The following SGMS1 variants were observed in gnomAD, a reference collection of about 807,000 sequenced individuals.
SGMS1 encodes the protein phosphatidylcholine:ceramide cholinephosphotransferase 1.
SGMS1 carries 13 observed loss-of-function variants against 46.2 expected under a neutral mutation model. The ratio of observed to expected loss-of-function variants is 0.28; its 90% CI spans 0.18 to 0.45. The LOEUF is 0.45. Ranked by LOEUF, SGMS1 falls within the 20% of genes least tolerant of loss-of-function variation. SGMS1 has a pLI of 1.00. For synonymous variants in SGMS1, 203 were observed against 187.8 expected, an observed-to-expected ratio of 1.08 and a Z score of -0.66; for missense variants, 324 against 519.9, an observed-to-expected ratio of 0.62 and a Z score of 3.66.
At chr10:50,615,776 T>C (rs1184496897) in intron 1 of SGMS1, among the ~76,000 whole-genome samples, 3 of 152,168 alleles carry the variant, frequency 2.0e-5, no homozygotes, top group Non-Finnish European at 4.4e-5. Context: ...CCTAAACTAG[T>C]TCCACCCAAG....
chr10:50,414,371 C>G (rs1299628820), intron 6 of SGMS1, among the ~76,000 whole-genome samples: 1 of 152,196 alleles, frequency 6.6e-6, no homozygotes, highest in African/African-American at 2.4e-5. Context: ...GCCTGGGCAA[C>G]AGAGCAAGAC....
chr10:50,438,345 T>G (rs1048311199), intron 5 of SGMS1, among the ~76,000 whole-genome samples: 1 of 152,242 alleles, frequency 6.6e-6, no homozygotes, highest in South Asian at 2.1e-4. Context: ...GTTTTGAAAG[T>G]GCAGGCTGCC....
chr10:50,462,633 T>A (rs988306691), intron 4 of SGMS1, among the ~76,000 whole-genome samples: 1 of 152,232 alleles, frequency 6.6e-6, no homozygotes, highest in East Asian at 1.9e-4. Context: ...TTAAATATTA[T>A]TTTAAAGAGC....
upstream of SGMS1, chr10:50,625,031 C>T (rs1383812768): frequency 3.5e-5 from 35 of 1,003,860 alleles, no homozygotes; most frequent in Non-Finnish European, 3.8e-5. Context: ...GCCACGCCCT[C>T]CCATCGGGCT....
chr10:50,328,437 A>G (rs1320664576), intron 7 of SGMS1, among the ~76,000 whole-genome samples: 5 of 152,230 alleles, frequency 3.3e-5, no homozygotes, highest in Non-Finnish European at 5.9e-5. Context: ...AGTCTTATGC[A>G]GGATGGGCAT....
intron 6 of SGMS1, among the ~76,000 whole-genome samples, chr10:50,419,169 T>C (rs1271690301): frequency 6.6e-6 from 1 of 152,080 alleles, no homozygotes; most frequent in Non-Finnish European, 1.5e-5. Context: ...ATACATACCA[T>C]CTGAAGATAA....
intron 4 of SGMS1, among the ~76,000 whole-genome samples, chr10:50,462,752 A>G (rs992283384): frequency 6.6e-6 from 1 of 152,222 alleles, no homozygotes; most frequent in Non-Finnish European, 1.5e-5. Flanking sequence ...ATATAAATCC[A>G]TAAGGACAAA....
chr10:50,616,469 G>T (rs1285960961), intron 1 of SGMS1, among the ~76,000 whole-genome samples: 1 of 152,088 alleles, frequency 6.6e-6, no homozygotes, highest in Admixed American at 6.6e-5. Context: ...ATTAGGGGAG[G>T]TATTCCACCA....
intron 6 of SGMS1, among the ~76,000 whole-genome samples, chr10:50,379,175 T>A (rs1848564616): frequency 6.6e-6 from 1 of 152,134 alleles, no homozygotes; most frequent in Non-Finnish European, 1.5e-5. Flanking sequence ...AGGAATTCCA[T>A]CTCTTACTTA....
chr10:50,352,821 TA>T (rs1299584225), intron 6 of SGMS1, among the ~76,000 whole-genome samples: 1 of 152,112 alleles, frequency 6.6e-6, no homozygotes, highest in Admixed American at 6.5e-5. Flanking sequence ...TCTATGCAAA[TA>T]AACTAGAAAA....
intron 8 of SGMS1, among the ~76,000 whole-genome samples, chr10:50,313,349 G>A (rs780494476): frequency 3.9e-5 from 6 of 152,080 alleles, no homozygotes; most frequent in Admixed American, 2.0e-4. Flanking sequence ...CTCATGTCAC[G>A]TGGAGACACA....
At chr10:50,413,293 A>C (rs572486045) in intron 6 of SGMS1, among the ~76,000 whole-genome samples, 1 of 152,312 alleles carries the variant, frequency 6.6e-6, no homozygotes, top group East Asian at 1.9e-4. Flanking sequence ...TGACTCTCAA[A>C]CCACGATAAT....
intron 5 of SGMS1, among the ~76,000 whole-genome samples, chr10:50,451,677 A>G (rs951622107): frequency 6.6e-6 from 1 of 152,168 alleles, no homozygotes. Flanking sequence ...AAAAAAAACT[A>G]AAGTTCATAA....
intron 3 of SGMS1, among the ~76,000 whole-genome samples, chr10:50,519,521 C>G (rs1358537447): frequency 6.6e-6 from 1 of 152,174 alleles, no homozygotes; most frequent in Non-Finnish European, 1.5e-5. Context: ...GCATCCTTTT[C>G]TGTCATTTCC....
At chr10:50,624,110 G>A (rs1027522253), upstream of SGMS1, 4 of 985,292 alleles carry the variant, frequency 4.1e-6, no homozygotes, top group African/African-American at 5.2e-5. Context: ...CCGAACCAAG[G>A]GACAGTCGCA....
chr10:50,580,322 G>A (rs1055080989), intron 2 of SGMS1, among the ~76,000 whole-genome samples: 3 of 151,928 alleles, frequency 2.0e-5, no homozygotes, highest in African/African-American at 4.8e-5. Context: ...AAAAAGAGAC[G>A]ATGATTACAA....
At chr10:50,337,270 C>T (rs190630160) in intron 7 of SGMS1, among the ~76,000 whole-genome samples, 1 of 152,264 alleles carries the variant, frequency 6.6e-6, no homozygotes, top group East Asian at 1.9e-4. Context: ...ATATCCATAG[C>T]ACACAGTCCC....
chr10:50,528,180 G>C (rs1252815181), intron 2 of SGMS1, among the ~76,000 whole-genome samples: 1 of 152,138 alleles, frequency 6.6e-6, no homozygotes, highest in Non-Finnish European at 1.5e-5. Context: ...ATTCATTTAT[G>C]ATATCAATAA....
At chr10:50,368,784 C>A (rs1848390828) in intron 6 of SGMS1, among the ~76,000 whole-genome samples, 2 of 152,164 alleles carry the variant, frequency 1.3e-5, no homozygotes, top group African/African-American at 4.8e-5. Flanking sequence ...TGTAAGTTTT[C>A]AAATTAGTTA....
Sources: gnomAD v4.1 joint callset for allele counts (sites outside exome capture counted in the v4.1 genomes callset) on GRCh38, gnomAD v4.1.1 for gene constraint, MANE v1.5 for transcripts, NCBI Gene and HGNC (gene_info 2026-07-23, HGNC 2026-07-21) for gene names.